The following MNAT1 variants were observed in gnomAD, a reference collection of about 807,000 sequenced individuals.
The protein encoded by MNAT1 is CDK-activating kinase assembly factor MAT1.
A neutral mutation model predicts 42.0 loss-of-function variants in MNAT1; 43 were observed. The observed-to-expected ratio is 1.02, with a 90% CI of 0.80 to 1.32. The LOEUF (loss-of-function observed/expected upper bound fraction) is 1.32. Ranked by LOEUF, MNAT1 falls within the 40% of genes most tolerant of loss-of-function variation. The probability of loss-of-function intolerance (pLI) is 0.00; values close to 1 mark genes in which losing one functional copy is unlikely to be tolerated. For missense variants in MNAT1, 306 were observed against 350.4 expected (o/e 0.87, Z 1.01); for synonymous variants, 118 against 120.0 (o/e 0.98, Z 0.11).
chr14:60,956,016 A>C (rs1694232898), intron 7 of MNAT1, among the ~76,000 whole-genome samples: 1 of 150,676 alleles, frequency 6.6e-6, no homozygotes, highest in South Asian at 2.1e-4. Context: ...TTTTATTTCT[A>C]CTCTGATCTT....
chr14:60,740,425 C>T lies in MNAT1; in HGVS notation c.89+5474C>T, dbSNP rs1241214722. ...TTTATCCTGAAGAGTCCGAATTTTG[C>T]TTATTGCATCTCTGTGATATTGTTA... is the stretch of plus-strand genomic sequence containing the variant. On this transcript the variant is annotated intron_variant, in intron 1 of 7. Coordinates refer to ENST00000261245, the MANE Select transcript of MNAT1 (RefSeq NM_002431.4). The surrounding 1 kb of genome is among the most constrained non-coding windows in gnomAD (Gnocchi z 4.1). Among the ~76,000 whole-genome samples, 2 of 151,854 alleles carry T rather than the reference C, an allele frequency of 1.3e-5. No individual in the cohort carries two copies. Among genetic ancestry groups the T allele is most frequent in the African/African-American group, 4.8e-5 (2 of 41,324 alleles).
intron 6 of MNAT1, among the ~76,000 whole-genome samples, chr14:60,861,651 A>G (rs182109996): frequency 5.9e-5 from 9 of 152,364 alleles, no homozygotes; most frequent in Admixed American, 5.2e-4. Context: ...TTCGAGCAAG[A>G]AAATATTCAC....
chr14:60,762,521 C>T (rs2030645546), intron 1 of MNAT1, among the ~76,000 whole-genome samples: 1 of 151,834 alleles, frequency 6.6e-6, no homozygotes, highest in African/African-American at 2.4e-5. Context: ...TAAATGACAT[C>T]TCTACTAAAT....
intron 7 of MNAT1, among the ~76,000 whole-genome samples, chr14:60,922,688 T>C (rs1167930255): frequency 6.6e-6 from 1 of 152,078 alleles, no homozygotes; most frequent in East Asian, 1.9e-4. Flanking sequence ...AAAAAAAACT[T>C]TCAAGTTTTT....
At chr14:60,743,217 A>G (rs189088658) in intron 1 of MNAT1, among the ~76,000 whole-genome samples, 2 of 152,106 alleles carry the variant, frequency 1.3e-5, no homozygotes, top group Admixed American at 1.3e-4. Flanking sequence ...ACTATCTTTG[A>G]TATTGCCCTT....
At chr14:60,955,953 C>A (rs528708354) in intron 7 of MNAT1, among the ~76,000 whole-genome samples, 36 of 151,946 alleles carry the variant, frequency 2.4e-4, no homozygotes, top group African/African-American at 6.3e-4. Flanking sequence ...TTTAAAAAAA[C>A]CAACTTTTAG....
chr14:60,775,713 T>C (rs1362046069), intron 1 of MNAT1, among the ~76,000 whole-genome samples: 1 of 152,178 alleles, frequency 6.6e-6, no homozygotes, highest in East Asian at 1.9e-4. Flanking sequence ...GCAGTTAATA[T>C]GGTTATAGAA....
intron 7 of MNAT1, among the ~76,000 whole-genome samples, chr14:60,936,304 G>A (rs1305719678): frequency 1.3e-5 from 2 of 152,088 alleles, no homozygotes; most frequent in Non-Finnish European, 2.9e-5. Flanking sequence ...GTGTATACAT[G>A]TGTCATGTTG....
At chr14:60,942,654 C>G (rs905723844) in intron 7 of MNAT1, among the ~76,000 whole-genome samples, 1 of 151,542 alleles carries the variant, frequency 6.6e-6, no homozygotes, top group Non-Finnish European at 1.5e-5. Flanking sequence ...TATATTAAAT[C>G]GAAAATTTGT....
intron 5 of MNAT1, among the ~76,000 whole-genome samples, chr14:60,813,434 CAG>C (rs929337490): frequency 1.4e-4 from 21 of 152,154 alleles, no homozygotes; most frequent in Admixed American, 1.2e-3. Context: ...ATTTCTGTAA[CAG>C]TGTGATTGTA....
intron 6 of MNAT1, among the ~76,000 whole-genome samples, chr14:60,848,972 A>G (rs1221333187): frequency 6.6e-6 from 1 of 152,212 alleles, no homozygotes; most frequent in Non-Finnish European, 1.5e-5. Context: ...AGAGTTCCCC[A>G]CTGAGTATCT....
intron 7 of MNAT1, among the ~76,000 whole-genome samples, chr14:60,908,771 C>T (rs1409998973): frequency 8.5e-5 from 13 of 152,070 alleles, no homozygotes; most frequent in African/African-American, 1.7e-4. Context: ...TGAATAGTGC[C>T]GCAGTAAACA....
At chr14:60,903,228 A>C (rs1348116267) in intron 7 of MNAT1, among the ~76,000 whole-genome samples, 1 of 152,034 alleles carries the variant, frequency 6.6e-6, no homozygotes. Context: ...ATTTAATTTT[A>C]TTGAATGCTT....
chr14:60,928,173 TGTA>T (rs2035804016), intron 7 of MNAT1, among the ~76,000 whole-genome samples: 1 of 152,236 alleles, frequency 6.6e-6, no homozygotes, highest in Admixed American at 6.5e-5. Flanking sequence ...AGGTTCATAT[TGTA>T]GTATATATAT....
At chr14:60,797,822 C>T (rs1466439812) in intron 2 of MNAT1, among the ~76,000 whole-genome samples, 8 of 151,914 alleles carry the variant, frequency 5.3e-5, no homozygotes, top group Admixed American at 3.3e-4. Context: ...CCCAGCTATT[C>T]GGGGGGCTGA....
At chr14:60,929,632 C>T (rs182956832) in intron 7 of MNAT1, among the ~76,000 whole-genome samples, 4 of 152,052 alleles carry the variant, frequency 2.6e-5, no homozygotes, top group Admixed American at 1.3e-4. Flanking sequence ...TTTTGATTAT[C>T]GAGTCCTGAA....
intron 7 of MNAT1, among the ~76,000 whole-genome samples, chr14:60,894,291 A>T (rs1214287062): frequency 6.6e-6 from 1 of 150,866 alleles, no homozygotes; most frequent in South Asian, 2.1e-4. Context: ...TTTTTTTTTA[A>T]AATAATTTAT....
intron 5 of MNAT1, among the ~76,000 whole-genome samples, chr14:60,817,226 T>G (rs1289260074): frequency 6.6e-6 from 1 of 151,806 alleles, no homozygotes; most frequent in African/African-American, 2.4e-5. Flanking sequence ...TTCTTTAATT[T>G]TATATTTTAT....
intron 1 of MNAT1, among the ~76,000 whole-genome samples, chr14:60,787,532 G>T (rs909959921): frequency 1.3e-5 from 2 of 152,234 alleles, no homozygotes; most frequent in East Asian, 1.9e-4. Flanking sequence ...AATGAAGTTC[G>T]TTGCATTTAT....
Sources: gnomAD v4.1 joint callset for allele counts (sites outside exome capture counted in the v4.1 genomes callset) on GRCh38, gnomAD v4.1.1 for gene constraint, Gnocchi (gnomAD v3.1) non-coding constraint, MANE v1.5 for transcripts, NCBI Gene and HGNC (gene_info 2026-07-23, HGNC 2026-07-21) for gene names.